Variants in CREBBP observed in about 807,000 individuals in gnomAD.
The protein encoded by CREBBP is CREB binding lysine acetyltransferase, also known as CREB-binding protein.
A neutral mutation model predicts 265.0 loss-of-function variants in CREBBP; 19 were observed. The ratio of observed to expected loss-of-function variants is 0.07; its 90% CI spans 0.05 to 0.11. The LOEUF is 0.11. Among genes scored for constraint, CREBBP ranks in the 10% least tolerant of loss-of-function variants. The pLI, the probability that CREBBP is intolerant of heterozygous loss-of-function variation, is 1.00. For synonymous variants in CREBBP, 1,457 were observed against 1,223.7 expected (o/e 1.19, Z -3.98); for missense variants, 2,525 against 3,219.0 (o/e 0.78, Z 5.22).
intron 11 of CREBBP, among the ~76,000 whole-genome samples, chr16:3,775,892 C>A (rs3025695): frequency 0.02 from 3,011 of 150,526 alleles, 100 homozygotes; most frequent in African/African-American, 0.069. Flanking sequence ...TTTCCCAAGG[C>A]TCAATTTCTC....
At chr16:3,804,080 T>C (rs866730818) in intron 3 of CREBBP, among the ~76,000 whole-genome samples, 6 of 150,362 alleles carry the variant, frequency 4.0e-5, no homozygotes, top group African/African-American at 1.5e-4. Flanking sequence ...AGACCCCAGC[T>C]TAAAAAAAAA....
rs201121768 is a variant in CREBBP, at chr16:3,879,857, G to C, written c.60C>G (p.Pro20=). ...PNPKRAKLSS[P]GFSANDSTDF... is the part of the protein sequence containing the mutation. Reference sequence around the variant, plus strand: ...CTGTGCTGTCATTCGCCGAGAAACCGGGCGAGCTGAGTTTGGCTCTTTTGG... The same window carrying C: ...CTGTGCTGTCATTCGCCGAGAAACCCGGCGAGCTGAGTTTGGCTCTTTTGG... The change falls in exon 1 of 31, where the codon CCC becomes CCG. Residue 20 remains proline (P), a synonymous_variant. Coordinates refer to ENST00000262367, the MANE Select transcript of CREBBP (RefSeq NM_004380.3). 1.2e-6 allele frequency: 2 copies of C among 1,611,302 alleles called. No homozygotes were observed. Among genetic ancestry groups the C allele is most frequent in the African/African-American group, 1.3e-5 (1 of 74,870 alleles).
intron 14 of CREBBP, 38 bp downstream of exon 14, chr16:3,770,532 A>T (rs939464147): frequency 6.2e-7 from 1 of 1,604,462 alleles, no homozygotes; most frequent in Non-Finnish European, 8.5e-7. Flanking sequence ...ATCTTCTAAG[A>T]GTCTTGGCCC....
At chr16:3,745,937 G>A (rs1036827901) in intron 21 of CREBBP, among the ~76,000 whole-genome samples, 1 of 152,218 alleles carries the variant, frequency 6.6e-6, no homozygotes, top group African/African-American at 2.4e-5. Flanking sequence ...AGTAAACACT[G>A]GTGAAGCGAG....
chr16:3,734,828 C>T (rs1251607377), intron 28 of CREBBP, among the ~76,000 whole-genome samples: 1 of 152,198 alleles, frequency 6.6e-6, no homozygotes, highest in East Asian at 1.9e-4. Flanking sequence ...GCCTACAGCC[C>T]ATCCGGCACC....
At chr16:3,739,330 C>T (rs1429936666) in intron 25 of CREBBP, 1 of 536,172 alleles carries the variant, frequency 1.9e-6, no homozygotes, top group South Asian at 2.1e-5. Flanking sequence ...CCAGGTTTAC[C>T]TGCGTTAGGT....
chr16:3,826,397 G>A (rs900725954), intron 2 of CREBBP, among the ~76,000 whole-genome samples: 28 of 152,144 alleles, frequency 1.8e-4, no homozygotes, highest in African/African-American at 6.3e-4. Context: ...CTTAAACATA[G>A]TGAGTCCTTC....
At chr16:3,788,547 A>C (rs1314195449) in intron 5 of CREBBP, among the ~76,000 whole-genome samples, 1 of 152,250 alleles carries the variant, frequency 6.6e-6, no homozygotes, top group Non-Finnish European at 1.5e-5. Flanking sequence ...GACTGACATA[A>C]GATACTTATC....
At chr16:3,766,791 T>C (rs987567870) in intron 16 of CREBBP, among the ~76,000 whole-genome samples, 5 of 152,150 alleles carry the variant, frequency 3.3e-5, no homozygotes, top group Non-Finnish European at 7.4e-5. Flanking sequence ...CCTCCCAAAG[T>C]GCTGGGATTA....
intron 11 of CREBBP, among the ~76,000 whole-genome samples, chr16:3,776,911 T>C (rs1356835259): frequency 2.0e-5 from 3 of 151,098 alleles, no homozygotes; most frequent in Non-Finnish European, 3.0e-5. Flanking sequence ...TCAGCTACTA[T>C]GGAGGCTGAG....
chr16:3,852,304 G>T (rs1162202429), intron 1 of CREBBP, among the ~76,000 whole-genome samples: 1 of 150,552 alleles, frequency 6.6e-6, no homozygotes, highest in Non-Finnish European at 1.5e-5. Flanking sequence ...AAGTAGCTGG[G>T]ATTATAGGCG....
intron 16 of CREBBP, among the ~76,000 whole-genome samples, chr16:3,765,243 G>A (rs1035206475): frequency 3.3e-5 from 5 of 152,150 alleles, no homozygotes; most frequent in African/African-American, 1.2e-4. Flanking sequence ...CCGAAAGTGC[G>A]GGGATTACAG....
chr16:3,795,070 A>C (rs988060054), intron 3 of CREBBP, among the ~76,000 whole-genome samples: 1 of 152,230 alleles, frequency 6.6e-6, no homozygotes, highest in Admixed American at 6.5e-5. Context: ...GAGAACTAGA[A>C]AATAAGTACG....
chr16:3,765,267 C>T (rs956905672), intron 16 of CREBBP, among the ~76,000 whole-genome samples: 21 of 152,226 alleles, frequency 1.4e-4, no homozygotes, highest in African/African-American at 4.6e-4. Flanking sequence ...TGAGGCACCG[C>T]GTCTGGCCGC....
intron 19 of CREBBP, among the ~76,000 whole-genome samples, chr16:3,756,814 T>C (rs1463756269): frequency 5.9e-5 from 9 of 152,190 alleles, no homozygotes; most frequent in African/African-American, 1.7e-4. Flanking sequence ...GAAAAAGGCA[T>C]GTCAACCTTT....
chr16:3,822,219 C>CT (rs1389266784), intron 2 of CREBBP, among the ~76,000 whole-genome samples: 1 of 107,162 alleles, frequency 9.3e-6, no homozygotes, highest in Non-Finnish European at 2.0e-5. Context: ...AGAGAAGCAC[C>CT]TTTTTCCACG....
rs558263954 is a variant in CREBBP, at chr16:3,824,434, A to G, written c.799-13655T>C. On this transcript the variant is annotated intron_variant, in intron 2 of 30. Coordinates refer to ENST00000262367, the MANE Select transcript of CREBBP (RefSeq NM_004380.3). Reference sequence around the variant, plus strand: ...TGGCTGGGGGTTAACTGACAGAGCTAAAGTGTTAATTAAAATGAACACGGA... The same window carrying G: ...TGGCTGGGGGTTAACTGACAGAGCTGAAGTGTTAATTAAAATGAACACGGA... 3.9e-5 allele frequency among the ~76,000 whole-genome samples: 6 copies of G among 152,384 alleles called. No individual in the cohort carries two copies. The East Asian group carries it at 1.2e-3, about 29-fold the overall frequency.
At chr16:3,864,594 G>A (rs1242638576) in intron 1 of CREBBP, among the ~76,000 whole-genome samples, 1 of 152,174 alleles carries the variant, frequency 6.6e-6, no homozygotes, top group East Asian at 1.9e-4. Context: ...GCTACAGTGA[G>A]TCAAGATCAC....
chr16:3,852,686 G>A (rs2054877566), intron 1 of CREBBP, among the ~76,000 whole-genome samples: 1 of 152,188 alleles, frequency 6.6e-6, no homozygotes, highest in South Asian at 2.1e-4. Context: ...AGTGACTCCC[G>A]ACTATAAATG....
Sources: allele counts gnomAD v4.1 joint callset (sites outside exome capture counted in the v4.1 genomes callset), GRCh38; gene constraint gnomAD v4.1.1; transcripts MANE v1.5; gene names NCBI Gene and HGNC (gene_info 2026-07-23, HGNC 2026-07-21).